Variants in PCDHA1 observed in about 807,000 individuals in gnomAD.
PCDHA1 encodes the protein protocadherin alpha-1.
In PCDHA1, 42 loss-of-function variants were observed where a neutral mutation model predicts 61.3. The ratio of observed to expected loss-of-function variants is 0.69; its 90% CI spans 0.54 to 0.89. PCDHA1 has a LOEUF of 0.89. Ranked by LOEUF, PCDHA1 falls within the 40% of genes least tolerant of loss-of-function variation. The pLI is 0.00. For synonymous variants in PCDHA1, 610 were observed against 553.8 expected (o/e 1.10, Z -1.43); for missense variants, 1,256 against 1,235.3 (o/e 1.02, Z -0.25).
At chr5:140,840,041 T>C (rs1220920510) in intron 1 of PCDHA1, among the ~76,000 whole-genome samples, 3 of 152,082 alleles carry the variant, frequency 2.0e-5, no homozygotes, top group East Asian at 3.9e-4. Flanking sequence ...ATCTCCCAGA[T>C]GGAAGTCTAA....
Position 140,857,899 on chromosome 5 carries a change from A to G in PCDHA1, c.2394+69215A>G. On this transcript the variant is annotated intron_variant, in intron 1 of 3. Transcript: ENST00000504120. ...AATTGCAGTCGGCGGCGGTTGGTGC[A>G]CGCATCCCGTTTCGCGTGGGGCTGT... 7 of 1,597,716 alleles carry G rather than the reference A, an allele frequency of 4.4e-6. 1 individual carries two copies. The highest frequency in any genetic ancestry group is 6.0e-6 in the Non-Finnish European group (7 of 1,167,490).
intron 1 of PCDHA1, among the ~76,000 whole-genome samples, chr5:140,923,894 G>A (rs2081566819): frequency 6.6e-6 from 1 of 152,186 alleles, no homozygotes; most frequent in African/African-American, 2.4e-5. Flanking sequence ...AAGAGGAGGA[G>A]TTTCTGTGAA....
intron 1 of PCDHA1, among the ~76,000 whole-genome samples, chr5:140,949,115 T>G (rs2094346093): frequency 6.6e-6 from 1 of 151,756 alleles, no homozygotes; most frequent in African/African-American, 2.4e-5. Context: ...TACAAATATT[T>G]TTGGTTTTCC....
chr5:140,797,691 A>AAAG lies in PCDHA1; in HGVS notation c.2394+9009_2394+9010insGAA, dbSNP rs1762254433. Among the ~76,000 whole-genome samples the AAAG allele has an allele frequency of 3.3e-5, 5 of 152,250 alleles. No homozygotes were observed. In the South Asian group the frequency reaches 1.0e-3, roughly 31 times the overall value. ...AAAAATTGAAAATCACAATCGGAAG[A>AAAG]AATTAAAGAATTTGATTATATAATA... On this transcript the variant is annotated intron_variant, in intron 1 of 3. Coordinates refer to ENST00000504120, the MANE Select transcript of PCDHA1 (RefSeq NM_018900.4).
At position 140,850,636 on chromosome 5, in the gene PCDHA1, C is replaced by T. The variant is rs2150491740; in HGVS notation, c.2394+61952C>T. The T allele has an allele frequency of 8.1e-6, 13 of 1,598,538 alleles. 2 individuals are homozygous for T. The highest frequency in any genetic ancestry group is 6.7e-5 in the Admixed American group (4 of 59,320). Reference sequence around the variant, plus strand: ...GCGGTGTCTAGCCTGTTGGTTCTCACGCTGCTGCTGTACACTGTGCTGCGG... The same window carrying T: ...GCGGTGTCTAGCCTGTTGGTTCTCATGCTGCTGCTGTACACTGTGCTGCGG... On this transcript the variant is annotated intron_variant, in intron 1 of 3. Transcript: ENST00000504120.
At chr5:140,837,840 G>C (rs1775283148) in intron 1 of PCDHA1, among the ~76,000 whole-genome samples, 1 of 151,336 alleles carries the variant, frequency 6.6e-6, no homozygotes, top group African/African-American at 2.4e-5. Context: ...ATTGTGCCTG[G>C]CTAATTTTAT....
chr5:140,835,404 G>A, intron 1 of PCDHA1: 1 of 1,614,010 alleles, frequency 6.2e-7, no homozygotes, highest in Non-Finnish European at 8.5e-7. Flanking sequence ...TGTGGAAGTT[G>A]TGGATGTAAA....
At chr5:140,917,305 C>T (rs1554197951) in intron 1 of PCDHA1, among the ~76,000 whole-genome samples, 1 of 137,094 alleles carries the variant, frequency 7.3e-6, no homozygotes, top group African/African-American at 2.7e-5. Flanking sequence ...ATAGTTGTTA[C>T]AATTTGGTGT....
chr5:140,893,636 G>A (rs2064097174), intron 1 of PCDHA1, among the ~76,000 whole-genome samples: 1 of 152,170 alleles, frequency 6.6e-6, no homozygotes, highest in Non-Finnish European at 1.5e-5. Flanking sequence ...GCTTGGTATA[G>A]TATTTTTGGC....
At chr5:140,794,665 G>A (rs1554119153) in intron 1 of PCDHA1, among the ~76,000 whole-genome samples, 2 of 152,192 alleles carry the variant, frequency 1.3e-5, no homozygotes, top group African/African-American at 2.4e-5. Context: ...GGGTAAAAAG[G>A]TAATATATTT....
intron 1 of PCDHA1, among the ~76,000 whole-genome samples, chr5:140,827,575 G>A (rs1173204419): frequency 6.6e-5 from 10 of 152,266 alleles, no homozygotes; most frequent in African/African-American, 2.4e-4. Flanking sequence ...CTATATAATA[G>A]CATGTCCTAG....
chr5:140,928,539 T>G, intron 1 of PCDHA1: 1 of 1,614,222 alleles, frequency 6.2e-7, no homozygotes. Context: ...TAGATAGGAA[T>G]GACAATTATC....
intron 1 of PCDHA1, among the ~76,000 whole-genome samples, chr5:140,953,372 A>G (rs1472097697): frequency 6.6e-6 from 1 of 151,982 alleles, no homozygotes; most frequent in Non-Finnish European, 1.5e-5. Flanking sequence ...AGGATTCTCT[A>G]CCCCTCTCAG....
chr5:140,841,805 G>A, intron 1 of PCDHA1: 1 of 1,613,936 alleles, frequency 6.2e-7, no homozygotes, highest in Non-Finnish European at 8.5e-7. Flanking sequence ...CGATGCAGAT[G>A]TTGGAGCTAA....
At chr5:140,926,998 G>C in intron 1 of PCDHA1, 1 of 1,612,288 alleles carries the variant, frequency 6.2e-7, no homozygotes, top group Non-Finnish European at 8.5e-7. Flanking sequence ...GGGCGTAGCC[G>C]TAGGCAATCT....
chr5:140,788,883 A>G (rs1761501144), intron 1 of PCDHA1, 199 bp downstream of exon 1: 1 of 1,303,648 alleles, frequency 7.7e-7, no homozygotes, highest in Non-Finnish European at 9.9e-7. Flanking sequence ...TGTAGGGACA[A>G]ATTGTCGTAT....
At chr5:140,833,391 C>T (rs139841955) in intron 1 of PCDHA1, among the ~76,000 whole-genome samples, 1 of 152,258 alleles carries the variant, frequency 6.6e-6, no homozygotes, top group Non-Finnish European at 1.5e-5. Flanking sequence ...TGAAATACCT[C>T]AAGACTTGAT....
chr5:140,913,117 GT>G (rs1393810466), intron 1 of PCDHA1, among the ~76,000 whole-genome samples: 23 of 152,262 alleles, frequency 1.5e-4, no homozygotes, highest in Admixed American at 5.2e-4. Flanking sequence ...CAGTTTGGAA[GT>G]TAACCCCTCC....
chr5:140,929,257 C>G, intron 1 of PCDHA1: 2 of 1,612,972 alleles, frequency 1.2e-6, no homozygotes, highest in Admixed American at 3.3e-5. Flanking sequence ...TGGGGTAGGA[C>G]TGAATTTGCC....
Sources: allele counts gnomAD v4.1 joint callset (sites outside exome capture counted in the v4.1 genomes callset), GRCh38; gene constraint gnomAD v4.1.1; transcripts MANE v1.5; gene names NCBI Gene and HGNC (gene_info 2026-07-23, HGNC 2026-07-21).